Variants in TBC1D22A observed in about 807,000 individuals in gnomAD.
TBC1D22A encodes TBC1 domain family member 22A.
TBC1D22A carries 38 observed loss-of-function variants against 60.2 expected under a neutral mutation model. The observed-to-expected ratio is 0.63, with a 90% CI of 0.49 to 0.83. The LOEUF (loss-of-function observed/expected upper bound fraction) is 0.83. Among genes scored for constraint, TBC1D22A ranks in the 40% least tolerant of loss-of-function variants. The probability of loss-of-function intolerance (pLI) is 0.00; values close to 1 mark genes in which losing one functional copy is unlikely to be tolerated. For synonymous variants in TBC1D22A, 302 were observed against 281.7 expected, an observed-to-expected ratio of 1.07 and a Z score of -0.72; for missense variants, 628 against 701.0, an observed-to-expected ratio of 0.90 and a Z score of 1.18.
At chr22:46,783,181 G>T (rs979268085) in intron 1 of TBC1D22A, among the ~76,000 whole-genome samples, 3 of 152,162 alleles carry the variant, frequency 2.0e-5, no homozygotes, top group Admixed American at 6.5e-5. Flanking sequence ...GTTTTGATTT[G>T]TGTTTCTCTG....
At chr22:46,986,709 T>C (rs113637688) in intron 9 of TBC1D22A, among the ~76,000 whole-genome samples, 1 of 137,514 alleles carries the variant, frequency 7.3e-6, no homozygotes, top group South Asian at 2.3e-4. Context: ...ATTGATATGC[T>C]AGGGGTATAT....
intron 5 of TBC1D22A, among the ~76,000 whole-genome samples, chr22:46,883,586 T>C (rs186515690): frequency 4.6e-5 from 7 of 152,024 alleles, no homozygotes; most frequent in Non-Finnish European, 7.4e-5. Context: ...TTTTGGGGAG[T>C]GGGAAGTATT....
intron 8 of TBC1D22A, among the ~76,000 whole-genome samples, chr22:46,944,665 TG>T (rs796553164): frequency 3.9e-4 from 59 of 152,366 alleles, no homozygotes; most frequent in African/African-American, 1.2e-3. Flanking sequence ...CCCAAAGTGC[TG>T]GGATTATAGG....
chr22:46,775,434 G>C (rs569573562), intron 1 of TBC1D22A, among the ~76,000 whole-genome samples: 3 of 152,246 alleles, frequency 2.0e-5, no homozygotes, highest in Admixed American at 2.0e-4. Context: ...GCTCACGTCT[G>C]GGGCCTTGGG....
At chr22:46,837,022 A>G (rs2086552964) in intron 4 of TBC1D22A, among the ~76,000 whole-genome samples, 1 of 150,922 alleles carries the variant, frequency 6.6e-6, no homozygotes. Flanking sequence ...TTAGCGGGGC[A>G]TGGTGGCACG....
chr22:46,891,810 C>T (rs1209049119), intron 6 of TBC1D22A, among the ~76,000 whole-genome samples: 1 of 152,068 alleles, frequency 6.6e-6, no homozygotes, highest in African/African-American at 2.4e-5. Flanking sequence ...GGTTCTCTGG[C>T]GCTGGGCTCT....
intron 10 of TBC1D22A, among the ~76,000 whole-genome samples, chr22:47,012,787 G>C (rs923149221): frequency 6.6e-6 from 1 of 152,240 alleles, no homozygotes; most frequent in African/African-American, 2.4e-5. Flanking sequence ...AGCTCGTGCT[G>C]ATGTGTAGTT....
intron 8 of TBC1D22A, among the ~76,000 whole-genome samples, chr22:46,944,713 A>T (rs1031511504): frequency 7.9e-5 from 12 of 152,178 alleles, no homozygotes; most frequent in Non-Finnish European, 1.3e-4. Flanking sequence ...TCCATTTTTT[A>T]AAAAATAAAA....
chr22:46,977,501 G>T (rs181071096), intron 9 of TBC1D22A, among the ~76,000 whole-genome samples: 2 of 152,286 alleles, frequency 1.3e-5, no homozygotes, highest in Admixed American at 6.5e-5. Flanking sequence ...AATGCTGGGA[G>T]AGGAGGCTCT....
chr22:47,009,895 G>T lies in TBC1D22A; in HGVS notation c.1201+12186G>T, dbSNP rs2061706833. Among the ~76,000 whole-genome samples the T allele has an allele frequency of 6.6e-6, 1 of 152,250 alleles. No individual in the cohort carries two copies. The highest frequency in any genetic ancestry group is 2.4e-5 in the African/African-American group (1 of 41,456). On this transcript the variant is annotated intron_variant, in intron 10 of 12. Coordinates refer to ENST00000337137, the MANE Select transcript of TBC1D22A (RefSeq NM_014346.5). This position sits in a 1 kb window ranked among gnomAD's most constrained non-coding sequence, Gnocchi z 5.8. ...CTCCTGAGGCAGCCTCTTCTGTCCA[G>T]CCCCCAGGGAGGTTGGTTGGAGTGG...
At chr22:46,836,446 C>G (rs2086524621) in intron 4 of TBC1D22A, among the ~76,000 whole-genome samples, 3 of 151,720 alleles carry the variant, frequency 2.0e-5, no homozygotes, top group Admixed American at 2.0e-4. Flanking sequence ...TATTCTAAGC[C>G]TCATGGTAAC....
intron 10 of TBC1D22A, among the ~76,000 whole-genome samples, chr22:47,023,569 A>G (rs1047141503): frequency 3.3e-5 from 5 of 152,220 alleles, no homozygotes; most frequent in African/African-American, 9.6e-5. Context: ...GCCCAAAACT[A>G]CTAATATAAA....
Position 47,009,468 on chromosome 22 carries a change from C to T in TBC1D22A, c.1201+11759C>T, listed in dbSNP as rs527764499. Among the ~76,000 whole-genome samples the T allele has an allele frequency of 4.2e-5, 6 of 141,314 alleles. No individual in the cohort carries two copies. The highest frequency in any genetic ancestry group is 1.0e-4 in the African/African-American group (4 of 39,542). 92.7% of individuals were successfully genotyped at this position (141,314 alleles called of 152,430 possible). A position where few individuals can be genotyped will look rare whatever the true frequency, so the allele number is the denominator to read the frequency against. ...TCACCATCATTTCTGTCATCACCAT[C>T]GTCATCACTATCACCATCATTTCAT... is the stretch of plus-strand genomic sequence containing the variant. On this transcript the variant is annotated intron_variant, in intron 10 of 12. Transcript: ENST00000337137. This position sits in a 1 kb window ranked among gnomAD's most constrained non-coding sequence, Gnocchi z 5.8.
chr22:47,058,449 TC>T (rs1227063202), intron 11 of TBC1D22A, among the ~76,000 whole-genome samples: 15 of 152,084 alleles, frequency 9.9e-5, no homozygotes, highest in Non-Finnish European at 2.1e-4. Context: ...TCCTTCCTCT[TC>T]CCGGCTCCTT....
At chr22:47,010,746 A>G (rs946650887) in intron 10 of TBC1D22A, among the ~76,000 whole-genome samples, 4 of 152,208 alleles carry the variant, frequency 2.6e-5, no homozygotes, top group African/African-American at 7.2e-5. Flanking sequence ...TCTTAAGTCA[A>G]GCTGATTTAA....
At chr22:46,847,550 GCTC>G (rs1569124810) in intron 4 of TBC1D22A, among the ~76,000 whole-genome samples, 2 of 152,164 alleles carry the variant, frequency 1.3e-5, no homozygotes, top group African/African-American at 2.4e-5. Flanking sequence ...CTCTTCACAC[GCTC>G]CTCCTGCCCC....
At chr22:46,804,079 G>A (rs5769170) in intron 4 of TBC1D22A, among the ~76,000 whole-genome samples, 98,875 of 152,144 alleles carry the variant, frequency 0.65, 32,340 homozygotes, top group African/African-American at 0.74. Flanking sequence ...CAGCTCAGCA[G>A]CAATGCGATG....
chr22:47,129,478 TAAAC>T (rs1211285637), intron 12 of TBC1D22A, among the ~76,000 whole-genome samples: 1 of 152,162 alleles, frequency 6.6e-6, no homozygotes, highest in Non-Finnish European at 1.5e-5. Context: ...TCCGTCTCAG[TAAAC>T]AAACAAAAAA....
intron 5 of TBC1D22A, among the ~76,000 whole-genome samples, chr22:46,880,156 G>T (rs2067780860): frequency 6.6e-6 from 1 of 152,256 alleles, no homozygotes. Context: ...CTGACGACAT[G>T]TGCCCAAGGT....
Sources: gnomAD v4.1 joint callset for allele counts (sites outside exome capture counted in the v4.1 genomes callset) on GRCh38, gnomAD v4.1.1 for gene constraint, Gnocchi (gnomAD v3.1) non-coding constraint, MANE v1.5 for transcripts, NCBI Gene and HGNC (gene_info 2026-07-23, HGNC 2026-07-21) for gene names.